CAPZA1: variants seen among roughly 807,000 people sequenced by gnomAD.
The protein encoded by CAPZA1 is capping actin protein of muscle Z-line subunit alpha 1.
In CAPZA1, 10 loss-of-function variants were observed where a neutral mutation model predicts 40.8. The observed-to-expected ratio is 0.25, with a 90% confidence interval of 0.15 to 0.42. CAPZA1 has a LOEUF of 0.42. Among genes scored for constraint, CAPZA1 ranks in the 10% least tolerant of loss-of-function variants. CAPZA1 has a pLI of 1.00. For synonymous variants in CAPZA1, 98 were observed against 115.0 expected, an observed-to-expected ratio of 0.85 and a Z score of 0.95; for missense variants, 277 against 353.8, an observed-to-expected ratio of 0.78 and a Z score of 1.74.
At chr1:112,625,460 T>G (rs1054801892) in intron 1 of CAPZA1, among the ~76,000 whole-genome samples, 3 of 152,130 alleles carry the variant, frequency 2.0e-5, no homozygotes, top group Admixed American at 6.5e-5. Flanking sequence ...ATGAATGAAT[T>G]AAGAGTGGCA....
At chr1:112,633,814 T>C (rs1670967396) in intron 1 of CAPZA1, among the ~76,000 whole-genome samples, 1 of 152,186 alleles carries the variant, frequency 6.6e-6, no homozygotes, top group Non-Finnish European at 1.5e-5. Context: ...CTCATTGTGG[T>C]TTTAATTTGC....
At chr1:112,625,665 T>G (rs1346031502) in intron 1 of CAPZA1, among the ~76,000 whole-genome samples, 1 of 152,140 alleles carries the variant, frequency 6.6e-6, no homozygotes, top group Non-Finnish European at 1.5e-5. Flanking sequence ...ACCCCCATAA[T>G]CTTGCCTTGA....
intron 5 of CAPZA1, among the ~76,000 whole-genome samples, chr1:112,658,240 A>G (rs554981896): frequency 2.0e-5 from 3 of 152,312 alleles, no homozygotes; most frequent in Admixed American, 2.0e-4. Context: ...ACACTAAAGA[A>G]GAGTTAGTGT....
rs994022346 is a variant in CAPZA1, at chr1:112,623,030, C to T, written c.39+3147C>T. Among the ~76,000 whole-genome samples, 10 of 152,048 alleles carry T rather than the reference C, an allele frequency of 6.6e-5. No homozygotes were observed. The East Asian group carries it at 7.7e-4, about 12-fold the overall frequency. On this transcript the variant is annotated intron_variant, in intron 1 of 9. Coordinates refer to ENST00000263168, the MANE Select transcript of CAPZA1 (RefSeq NM_006135.3). ...CATCCCAAGTAGCTGGGATTACAGG[C>T]ACCTGCCACCACACCCGGCTAATTT...
chr1:112,625,498 C>T (rs896373299), intron 1 of CAPZA1, among the ~76,000 whole-genome samples: 3 of 152,098 alleles, frequency 2.0e-5, no homozygotes, highest in Non-Finnish European at 2.9e-5. Context: ...AAGATTAGGA[C>T]GGAGAAAACA....
At position 112,623,898 on chromosome 1, in the gene CAPZA1, C is replaced by T. The variant is rs1425241495; in HGVS notation, c.39+4015C>T. Among the ~76,000 whole-genome samples the T allele has an allele frequency of 1.6e-4, 24 of 146,716 alleles. 1 individual carries two copies. Among genetic ancestry groups the T allele is most frequent in the African/African-American group, 5.5e-4 (22 of 39,788 alleles). ...GCAGGTGCCTGTAGTCCCAGCTAAT[C>T]GGGAGGCTGAGGCAGGAGAATGGTG... On this transcript the variant is annotated intron_variant, in intron 1 of 9. Transcript: ENST00000263168.
At chr1:112,628,138 T>A in intron 1 of CAPZA1, among the ~76,000 whole-genome samples, 1 of 152,208 alleles carries the variant, frequency 6.6e-6, no homozygotes, top group East Asian at 1.9e-4. Context: ...TCTTAGAACA[T>A]CCTTGCCTAT....
Position 112,623,832 on chromosome 1 carries a change from C to A in CAPZA1, c.39+3949C>A, listed in dbSNP as rs371394797. On this transcript the variant is annotated intron_variant, in intron 1 of 9. Transcript: ENST00000263168. Reference sequence around the variant, plus strand: ...GATCCTGGCTAACGCAGTGAAACACCGTCTCTACTAAAAATACAAAAAAAT... The same window carrying A: ...GATCCTGGCTAACGCAGTGAAACACAGTCTCTACTAAAAATACAAAAAAAT... 1.4e-3 allele frequency among the ~76,000 whole-genome samples: 211 copies of A among 150,782 alleles called. No individual in the cohort carries two copies. In the Middle Eastern group the frequency reaches 0.021, roughly 15 times the overall value.
At chr1:112,657,872 T>C (rs1671530005) in intron 5 of CAPZA1, among the ~76,000 whole-genome samples, 1 of 152,160 alleles carries the variant, frequency 6.6e-6, no homozygotes, top group Non-Finnish European at 1.5e-5. Context: ...GGTTACAGGC[T>C]TGAGCCATTG....
intron 1 of CAPZA1, among the ~76,000 whole-genome samples, chr1:112,635,968 G>C (rs1671008233): frequency 6.6e-6 from 1 of 152,196 alleles, no homozygotes; most frequent in South Asian, 2.1e-4. Flanking sequence ...GGCGGAGGTT[G>C]CAGTGAGCTG....
intron 1 of CAPZA1, among the ~76,000 whole-genome samples, chr1:112,643,706 C>T (rs1422061002): frequency 6.6e-6 from 1 of 152,174 alleles, no homozygotes; most frequent in African/African-American, 2.4e-5. Flanking sequence ...TTCTACCTTG[C>T]TCCATCAATC....
chr1:112,652,475 A>G lies in CAPZA1; in HGVS notation c.156-1123A>G, dbSNP rs1170648019. On this transcript the variant is annotated intron_variant, in intron 3 of 9. Transcript: ENST00000263168. ...GCCTGGGCAACAAGAGCTAAACTCC[A>G]TCTCAAAAAAAAAAAAAAAAAGCTT... 3.6e-5 allele frequency among the ~76,000 whole-genome samples: 5 copies of G among 138,770 alleles called. No homozygotes were observed. In the East Asian group the frequency reaches 7.3e-4, roughly 20 times the overall value. The allele number at this position is 138,770 out of a possible 152,430, so 91.0% of individuals were successfully genotyped here. A position where few individuals can be genotyped will look rare whatever the true frequency, so the allele number is the denominator to read the frequency against.
At chr1:112,635,156 T>C (rs1471157621) in intron 1 of CAPZA1, among the ~76,000 whole-genome samples, 2 of 152,130 alleles carry the variant, frequency 1.3e-5, no homozygotes, top group East Asian at 3.9e-4. Context: ...TGATAAGCAT[T>C]CAAATACACT....
At chr1:112,631,477 G>A (rs897941794) in intron 1 of CAPZA1, among the ~76,000 whole-genome samples, 7 of 152,070 alleles carry the variant, frequency 4.6e-5, no homozygotes, top group African/African-American at 1.7e-4. Flanking sequence ...AAGCTGGCAT[G>A]TGAAACTGTA....
At chr1:112,655,482 A>C (rs1671479346) in intron 5 of CAPZA1, among the ~76,000 whole-genome samples, 1 of 81,352 alleles carries the variant, frequency 1.2e-5, no homozygotes. Flanking sequence ...GTCTCAAAAA[A>C]ACAAAAAACA....
intron 1 of CAPZA1, among the ~76,000 whole-genome samples, chr1:112,629,611 T>C (rs912016793): frequency 6.6e-6 from 1 of 152,262 alleles, no homozygotes; most frequent in Non-Finnish European, 1.5e-5. Context: ...TGAGGCCATA[T>C]TGAGGACTCC....
At chr1:112,641,404 T>G (rs377732514) in intron 1 of CAPZA1, among the ~76,000 whole-genome samples, 2 of 152,092 alleles carry the variant, frequency 1.3e-5, no homozygotes, top group South Asian at 4.1e-4. Flanking sequence ...TAAATATATA[T>G]AATTTCTAAA....
chr1:112,648,583 T>C (rs1671328383), intron 2 of CAPZA1, among the ~76,000 whole-genome samples: 1 of 151,960 alleles, frequency 6.6e-6, no homozygotes, highest in Non-Finnish European at 1.5e-5. Flanking sequence ...CCCAAAGTGC[T>C]GGGATTACAG....
chr1:112,671,301 G>A lies in CAPZA1; in HGVS notation c.*1169G>A, dbSNP rs950741912. On this transcript the variant is annotated 3_prime_UTR_variant, in exon 10 of 10. Transcript: ENST00000263168. ...AGATATGATATGACAACTGGTAATGGTGGATTCATTTACATTGTTTACACT... is the reference window on the plus strand; with the variant it reads ...AGATATGATATGACAACTGGTAATGATGGATTCATTTACATTGTTTACACT... The A allele has an allele frequency of 3.5e-4, 53 of 152,706 alleles. No homozygotes were observed. Among genetic ancestry groups the A allele is most frequent in the African/African-American group, 1.1e-3 (47 of 41,536 alleles). 9.5% of individuals were successfully genotyped at this position (152,706 alleles called of 1,614,324 possible).
Sources: gnomAD v4.1 joint callset for allele counts (sites outside exome capture counted in the v4.1 genomes callset) on GRCh38, gnomAD v4.1.1 for gene constraint, MANE v1.5 for transcripts, NCBI Gene and HGNC (gene_info 2026-07-23, HGNC 2026-07-21) for gene names.